Variants in PDE3A observed in about 807,000 individuals in gnomAD.
PDE3A encodes phosphodiesterase 3A, also known as cGMP-inhibited 3',5'-cyclic phosphodiesterase 3A.
PDE3A carries 43 observed loss-of-function variants against 98.3 expected under a neutral mutation model. That is an observed-to-expected ratio of 0.44 (90% CI 0.34 to 0.56). PDE3A has a LOEUF of 0.56. PDE3A is among the 20% of genes least tolerant of loss of function. The probability of loss-of-function intolerance (pLI) is 0.01; values close to 1 mark genes in which losing one functional copy is unlikely to be tolerated. For synonymous variants in PDE3A, 663 were observed against 567.9 expected, an observed-to-expected ratio of 1.17 and a Z score of -2.38; for missense variants, 1,427 against 1,440.7, an observed-to-expected ratio of 0.99 and a Z score of 0.15.
chr12:20,486,814 A>G (rs962670909), intron 1 of PDE3A, among the ~76,000 whole-genome samples: 1 of 152,166 alleles, frequency 6.6e-6, no homozygotes, highest in Non-Finnish European at 1.5e-5. Flanking sequence ...TTGTATTTTT[A>G]GTAGAGATGG....
intron 1 of PDE3A, among the ~76,000 whole-genome samples, chr12:20,453,219 G>T (rs915635793): frequency 2.1e-4 from 30 of 144,544 alleles, no homozygotes; most frequent in Admixed American, 1.9e-3. Context: ...TGTCGCCCAG[G>T]CTGGAGTGCA....
chr12:20,430,812 A>G (rs1944683586), intron 1 of PDE3A, among the ~76,000 whole-genome samples: 1 of 152,140 alleles, frequency 6.6e-6, no homozygotes, highest in Non-Finnish European at 1.5e-5. Flanking sequence ...TGGAAGAATC[A>G]TGTTGTAGTG....
chr12:20,644,955 C>G (rs1405594213), intron 10 of PDE3A, among the ~76,000 whole-genome samples: 1 of 148,780 alleles, frequency 6.7e-6, no homozygotes, highest in African/African-American at 2.5e-5. Context: ...GTGGCGCAGT[C>G]TCAGCTCACT....
chr12:20,593,798 C>T (rs997107346), intron 2 of PDE3A, among the ~76,000 whole-genome samples: 5 of 151,998 alleles, frequency 3.3e-5, no homozygotes, highest in South Asian at 2.1e-4. Flanking sequence ...TCCAGAAGCT[C>T]GAAGGAGTGG....
At chr12:20,493,882 G>A (rs184450483) in intron 1 of PDE3A, among the ~76,000 whole-genome samples, 5 of 152,220 alleles carry the variant, frequency 3.3e-5, no homozygotes, top group African/African-American at 7.2e-5. Flanking sequence ...CGCCTGCCTC[G>A]ACCTCCCAAA....
At chr12:20,667,306 T>C (rs1339502851) in intron 15 of PDE3A, among the ~76,000 whole-genome samples, 1 of 152,202 alleles carries the variant, frequency 6.6e-6, no homozygotes, top group Non-Finnish European at 1.5e-5. Context: ...GTATTTGTTT[T>C]TGTTGCCTGG....
chr12:20,374,654 A>G (rs912275473), intron 1 of PDE3A, among the ~76,000 whole-genome samples: 2 of 152,082 alleles, frequency 1.3e-5, no homozygotes, highest in Non-Finnish European at 2.9e-5. Flanking sequence ...GCTTTACCAA[A>G]TTGAATTTTA....
At chr12:20,532,196 G>T (rs1256322671) in intron 1 of PDE3A, among the ~76,000 whole-genome samples, 1 of 152,096 alleles carries the variant, frequency 6.6e-6, no homozygotes, top group Non-Finnish European at 1.5e-5. Context: ...ATAAATAAAA[G>T]GGATAGATAG....
chr12:20,440,263 G>C (rs1040859290), intron 1 of PDE3A, among the ~76,000 whole-genome samples: 1 of 152,114 alleles, frequency 6.6e-6, no homozygotes, highest in African/African-American at 2.4e-5. Flanking sequence ...GCCCCCAAAA[G>C]ACTTAAATTT....
At chr12:20,655,958 C>A (rs915410345) in intron 15 of PDE3A, among the ~76,000 whole-genome samples, 2 of 152,092 alleles carry the variant, frequency 1.3e-5, no homozygotes, top group Non-Finnish European at 2.9e-5. Flanking sequence ...ATCATGTGGC[C>A]AATCTAACCT....
At chr12:20,464,748 T>C (rs954174518) in intron 1 of PDE3A, among the ~76,000 whole-genome samples, 3 of 152,212 alleles carry the variant, frequency 2.0e-5, no homozygotes, top group African/African-American at 7.2e-5. Context: ...GACGTGGGAT[T>C]GAATAAAATG....
At chr12:20,570,567 T>TA (rs1329543431) in intron 2 of PDE3A, among the ~76,000 whole-genome samples, 2 of 152,098 alleles carry the variant, frequency 1.3e-5, no homozygotes, top group Non-Finnish European at 2.9e-5. Flanking sequence ...CAAATTGATT[T>TA]AAAAATAAAA....
intron 2 of PDE3A, among the ~76,000 whole-genome samples, chr12:20,612,234 T>C (rs1467201962): frequency 1.0e-5 from 1 of 97,468 alleles, no homozygotes; most frequent in African/African-American, 3.7e-5. Context: ...TTAATTATAG[T>C]GGACATAAGT....
intron 1 of PDE3A, among the ~76,000 whole-genome samples, chr12:20,541,478 G>A (rs1401659013): frequency 6.6e-6 from 1 of 151,976 alleles, no homozygotes; most frequent in Non-Finnish European, 1.5e-5. Flanking sequence ...AAAAAAGAAT[G>A]AGCAAGTCTC....
rs199647795 is a variant in PDE3A, at chr12:20,679,776, C to T, written c.3185-254C>T. ...ACATTGCCAAATATTAAATACTGTC[C>T]CTAGTTATTTGTCAGTGATATTTTA... On this transcript the variant is annotated intron_variant, in intron 15 of 15. Coordinates refer to ENST00000359062, the MANE Select transcript of PDE3A (RefSeq NM_000921.5). Among the ~76,000 whole-genome samples the T allele has an allele frequency of 3.3e-5, 5 of 151,242 alleles. No homozygotes were observed. The East Asian group carries it at 9.7e-4, about 29-fold the overall frequency.
chr12:20,563,571 T>TATC (rs1942583335), intron 2 of PDE3A, among the ~76,000 whole-genome samples: 1 of 152,220 alleles, frequency 6.6e-6, no homozygotes, highest in Non-Finnish European at 1.5e-5. Context: ...TTTTTCCATA[T>TATC]ATCAACCTAA....
At chr12:20,626,400 C>T (rs978464420) in intron 5 of PDE3A, among the ~76,000 whole-genome samples, 7 of 149,680 alleles carry the variant, frequency 4.7e-5, no homozygotes, top group Admixed American at 2.0e-4. Flanking sequence ...AAAAAGAGAA[C>T]TTATACTTTT....
At chr12:20,599,332 T>TTCAAG (rs1196123504) in intron 2 of PDE3A, among the ~76,000 whole-genome samples, 2 of 152,166 alleles carry the variant, frequency 1.3e-5, no homozygotes, top group Admixed American at 1.3e-4. Flanking sequence ...TTGTTGCCTT[T>TTCAAG]TCAAGTCAAA....
At chr12:20,611,093 G>A (rs955487278) in intron 2 of PDE3A, among the ~76,000 whole-genome samples, 3 of 151,844 alleles carry the variant, frequency 2.0e-5, no homozygotes, top group Admixed American at 6.6e-5. Flanking sequence ...ATGTTAACCT[G>A]TCTCACTATA....
Sources: allele counts gnomAD v4.1 joint callset (sites outside exome capture counted in the v4.1 genomes callset), GRCh38; gene constraint gnomAD v4.1.1; transcripts MANE v1.5; gene names NCBI Gene and HGNC (gene_info 2026-07-23, HGNC 2026-07-21).